The following COG5 variants were observed in gnomAD, a reference collection of about 807,000 sequenced individuals.
COG5 encodes the protein component of oligomeric golgi complex 5.
In COG5, 86 loss-of-function variants were observed where a neutral mutation model predicts 110.4. The ratio of observed to expected loss-of-function variants is 0.78; its 90% CI spans 0.65 to 0.93. The LOEUF is 0.93. COG5 is among the 40% of genes least tolerant of loss of function. COG5 has a pLI of 0.00. For missense variants in COG5, 1,077 were observed against 987.0 expected, an observed-to-expected ratio of 1.09 and a Z score of -1.22; for synonymous variants, 360 against 334.6, an observed-to-expected ratio of 1.08 and a Z score of -0.83.
chr7:107,471,040 T>C (rs1796603366), intron 6 of COG5, among the ~76,000 whole-genome samples: 2 of 152,158 alleles, frequency 1.3e-5, no homozygotes, highest in South Asian at 2.1e-4. Context: ...ACAGTATGTT[T>C]AGTGTATGCT....
chr7:107,268,374 T>C (rs1044062224), intron 14 of COG5, among the ~76,000 whole-genome samples: 1 of 152,250 alleles, frequency 6.6e-6, no homozygotes, highest in Non-Finnish European at 1.5e-5. Flanking sequence ...TCTTTCTGTA[T>C]ATTCGTTTTA....
chr7:107,363,555 A>G (rs905424195), intron 8 of COG5, among the ~76,000 whole-genome samples: 13 of 152,218 alleles, frequency 8.5e-5, no homozygotes, highest in African/African-American at 3.1e-4. Context: ...GTATCAGCTA[A>G]TAAATGCAGA....
rs372379200 is a variant in COG5 at position 107,293,418 on chromosome 7, C to T, written c.1313+4724G>A. 2.7e-3 allele frequency among the ~76,000 whole-genome samples: 408 copies of T among 152,192 alleles called. 9 individuals carry two copies. The highest frequency in any genetic ancestry group is 0.026 in the South Asian group (127 of 4,818). The stretch of plus-strand genomic sequence containing the variant: ...TTCTTGGCTACTGCAGTCTAGAGAA[C>T]GATCTCCACTTCACTAAGCTAAGGC... On this transcript the variant is annotated intron_variant, in intron 12 of 21. Transcript: ENST00000297135.
chr7:107,289,111 G>C (rs903578352), intron 12 of COG5, among the ~76,000 whole-genome samples: 1 of 151,240 alleles, frequency 6.6e-6, no homozygotes, highest in Non-Finnish European at 1.5e-5. Flanking sequence ...ACAGGCATGA[G>C]ACATGAGACA....
chr7:107,241,818 T>C (rs377504086), intron 17 of COG5, among the ~76,000 whole-genome samples: 2 of 152,118 alleles, frequency 1.3e-5, no homozygotes, highest in Non-Finnish European at 2.9e-5. Flanking sequence ...TCTTACTTTG[T>C]CATCTATCCT....
In COG5 at chr7:107,372,742, T is replaced by C. The variant is rs748884696; in HGVS notation, c.688A>G (p.Thr230Ala). 5 of 1,613,512 alleles carry C rather than the reference T, an allele frequency of 3.1e-6. No individual in the cohort carries two copies. Among genetic ancestry groups the C allele is most frequent in the African/African-American group, 2.7e-5 (2 of 74,886 alleles). ...AGATTATAGAAAACCTGAAGAGCTG[T>C]TCCGACTTGAGTTGGATTCTTAAAA... ...LETQNPTQVG[T>A]ALQVFYNLGT... The change falls in exon 8 of 22, where the codon ACA becomes GCA. Residue 230 changes from threonine to alanine, a missense_variant. By Grantham distance (58) the Thr-to-Ala change is moderately conservative. Transcript: ENST00000297135.
intron 6 of COG5, among the ~76,000 whole-genome samples, chr7:107,515,365 C>T (rs1468107197): frequency 1.3e-5 from 2 of 151,878 alleles, no homozygotes; most frequent in Non-Finnish European, 2.9e-5. Context: ...CAGCCAAGAA[C>T]ATTAAAAAAA....
At chr7:107,350,711 G>A (rs557944552) in intron 10 of COG5, among the ~76,000 whole-genome samples, 1 of 152,184 alleles carries the variant, frequency 6.6e-6, no homozygotes, top group South Asian at 2.1e-4. Context: ...TTTCTTACGG[G>A]AATGACACGT....
intron 6 of COG5, among the ~76,000 whole-genome samples, chr7:107,464,920 C>T (rs4727682): frequency 0.59 from 90,324 of 152,004 alleles, 29,648 homozygotes; most frequent in African/African-American, 0.9. Flanking sequence ...AGTCTGCTTG[C>T]ATTCTATTTG....
chr7:107,505,322 A>G (rs943800956), intron 6 of COG5, among the ~76,000 whole-genome samples: 1 of 152,162 alleles, frequency 6.6e-6, no homozygotes, highest in Non-Finnish European at 1.5e-5. Context: ...TCAGTGAAAC[A>G]CACTGAGGTC....
chr7:107,474,772 C>T lies in COG5; in HGVS notation c.538+52465G>A. 3 of 1,611,294 alleles carry T rather than the reference C, an allele frequency of 1.9e-6. No individual in the cohort carries two copies. The highest frequency in any genetic ancestry group is 2.5e-6 in the Non-Finnish European group (3 of 1,178,894). On this transcript the variant is annotated intron_variant, in intron 6 of 21. Transcript: ENST00000297135. This position sits in a 1 kb window ranked among gnomAD's most constrained non-coding sequence, Gnocchi z 5.7. ...CACATACACCAAAATACTTCAGGCT[C>T]TTAATATTCGAATAGGCACAAGATT...
intron 18 of COG5, among the ~76,000 whole-genome samples, chr7:107,232,337 T>A (rs911294637): frequency 6.6e-6 from 1 of 152,232 alleles, no homozygotes; most frequent in East Asian, 1.9e-4. Context: ...TCACTTACTT[T>A]ACACTGAGCA....
At chr7:107,303,365 T>C (rs1807445640) in intron 11 of COG5, among the ~76,000 whole-genome samples, 1 of 152,174 alleles carries the variant, frequency 6.6e-6, no homozygotes, top group South Asian at 2.1e-4. Flanking sequence ...CTTAAGTCAA[T>C]TATATTTAAA....
chr7:107,408,782 G>A (rs1792057056), intron 7 of COG5, among the ~76,000 whole-genome samples: 1 of 152,168 alleles, frequency 6.6e-6, no homozygotes, highest in African/African-American at 2.4e-5. Context: ...TGGCTCTGAA[G>A]CTATCAAATG....
intron 6 of COG5, among the ~76,000 whole-genome samples, chr7:107,422,606 C>G (rs1264980623): frequency 6.6e-6 from 1 of 151,308 alleles, no homozygotes; most frequent in Non-Finnish European, 1.5e-5. Context: ...AACTGAAAAT[C>G]AAATGTATAT....
intron 3 of COG5, among the ~76,000 whole-genome samples, chr7:107,552,042 G>A (rs1802930287): frequency 6.6e-6 from 1 of 152,194 alleles, no homozygotes; most frequent in Non-Finnish European, 1.5e-5. Flanking sequence ...CAGTCTAGCA[G>A]TGTATTTCAA....
chr7:107,380,463 A>G (rs1815019216), intron 7 of COG5, among the ~76,000 whole-genome samples: 1 of 152,180 alleles, frequency 6.6e-6, no homozygotes, highest in South Asian at 2.1e-4. Context: ...AGACACAATA[A>G]AAAATGATAA....
At chr7:107,478,171 G>A (rs1164584098) in intron 6 of COG5, among the ~76,000 whole-genome samples, 3 of 151,826 alleles carry the variant, frequency 2.0e-5, no homozygotes, top group African/African-American at 7.2e-5. Flanking sequence ...CCAAAGATGA[G>A]CTCAACAAGA....
intron 14 of COG5, among the ~76,000 whole-genome samples, chr7:107,273,566 T>C (rs1301466382): frequency 2.0e-5 from 3 of 152,126 alleles, no homozygotes; most frequent in Non-Finnish European, 4.4e-5. Flanking sequence ...CAGTAAAAAA[T>C]TGACTATGTA....
Sources: gnomAD v4.1 joint callset for allele counts (sites outside exome capture counted in the v4.1 genomes callset) on GRCh38, gnomAD v4.1.1 for gene constraint, Gnocchi (gnomAD v3.1) non-coding constraint, MANE v1.5 for transcripts, NCBI Gene and HGNC (gene_info 2026-07-23, HGNC 2026-07-21) for gene names.